Variants in GPSM2 observed in about 807,000 individuals in gnomAD.
The protein encoded by GPSM2 is G protein-signaling modulator 2.
In GPSM2, 58 loss-of-function variants were observed where a neutral mutation model predicts 78.4. The ratio of observed to expected loss-of-function variants is 0.74; its 90% CI spans 0.60 to 0.92. The LOEUF (loss-of-function observed/expected upper bound fraction) is 0.92, where lower values mean the gene tolerates loss of function less well. GPSM2 is among the 40% of genes least tolerant of loss of function. The probability of loss-of-function intolerance (pLI) is 0.00; values close to 1 mark genes in which losing one functional copy is unlikely to be tolerated. For missense variants in GPSM2, 700 were observed against 815.5 expected, an observed-to-expected ratio of 0.86 and a Z score of 1.73; for synonymous variants, 224 against 280.2, an observed-to-expected ratio of 0.80 and a Z score of 2.00.
At chr1:108,911,572 A>G (rs893810242) in intron 10 of GPSM2, among the ~76,000 whole-genome samples, 2 of 152,252 alleles carry the variant, frequency 1.3e-5, no homozygotes, top group Admixed American at 1.3e-4. Context: ...AAAGTAAATG[A>G]AGAAGGTCAC....
At chr1:108,925,107 T>G (rs1400612721) in intron 14 of GPSM2, among the ~76,000 whole-genome samples, 2 of 152,194 alleles carry the variant, frequency 1.3e-5, no homozygotes, top group Non-Finnish European at 2.9e-5. Context: ...GTAGAGGGTT[T>G]CAGGGAAAGA....
At chr1:108,889,289 C>T (rs985641410) in intron 2 of GPSM2, among the ~76,000 whole-genome samples, 5 of 152,142 alleles carry the variant, frequency 3.3e-5, no homozygotes, top group African/African-American at 7.2e-5. Context: ...GGAACGGGAC[C>T]TCACATTCTG....
intron 10 of GPSM2, among the ~76,000 whole-genome samples, chr1:108,908,333 T>C (rs1398343738): frequency 2.0e-5 from 3 of 149,076 alleles, no homozygotes; most frequent in Middle Eastern, 3.2e-3. Flanking sequence ...ATTGCTCCAC[T>C]GCACTCCAGC....
In GPSM2 at chr1:108,896,914, A is replaced by G. The variant is rs1648408726; in HGVS notation, c.107A>G (p.Lys36Arg). 5 of 1,614,186 alleles carry G rather than the reference A, an allele frequency of 3.1e-6. No individual in the cohort carries two copies. The highest frequency in any genetic ancestry group is 4.2e-6 in the Non-Finnish European group (5 of 1,180,012). The part of the protein sequence containing the change: ...ELALEGERLC[K>R]SGDCRAGVSF... ...GCCTTGGAAGGGGAACGTCTATGTA[A>G]ATCAGGAGACTGCCGCGCTGGCGTG... The change falls in exon 3 of 15, where the codon AAA (lysine) becomes AGA (arginine). Residue 36 changes from lysine to arginine, a missense_variant. Physicochemically the swap from Lys to Arg is conservative, Grantham distance 26. Coordinates refer to ENST00000264126, the MANE Select transcript of GPSM2 (RefSeq NM_013296.5).
intron 2 of GPSM2, among the ~76,000 whole-genome samples, chr1:108,890,140 T>C (rs933917598): frequency 1.2e-4 from 18 of 152,198 alleles, no homozygotes; most frequent in Admixed American, 1.2e-3. Context: ...CATTTTTCTT[T>C]CTTAGCACCA....
At chr1:108,917,457 C>T (rs1243279291) in intron 11 of GPSM2, among the ~76,000 whole-genome samples, 1 of 150,734 alleles carries the variant, frequency 6.6e-6, no homozygotes, top group Non-Finnish European at 1.5e-5. Context: ...GTCTCAGCTA[C>T]TCAGGAGGCT....
intron 11 of GPSM2, among the ~76,000 whole-genome samples, chr1:108,916,209 T>C (rs1462968351): frequency 6.6e-6 from 1 of 151,392 alleles, no homozygotes; most frequent in Non-Finnish European, 1.5e-5. Flanking sequence ...CAATAAGCCA[T>C]GATTGTGGCA....
At chr1:108,885,767 G>A (rs934911884) in intron 2 of GPSM2, among the ~76,000 whole-genome samples, 189 bp downstream of exon 2, 4 of 152,072 alleles carry the variant, frequency 2.6e-5, no homozygotes, top group African/African-American at 9.7e-5. Context: ...GACCAATTAT[G>A]TACTATGGTT....
At chr1:108,925,817 A>G (rs1398826741) in intron 14 of GPSM2, among the ~76,000 whole-genome samples, 1 of 151,796 alleles carries the variant, frequency 6.6e-6, no homozygotes, top group African/African-American at 2.4e-5. Flanking sequence ...TACAAGGCAA[A>G]TGTGGGGTTT....
intron 2 of GPSM2, among the ~76,000 whole-genome samples, chr1:108,889,980 G>A (rs1161819285): frequency 6.6e-6 from 1 of 152,104 alleles, no homozygotes; most frequent in Non-Finnish European, 1.5e-5. Context: ...CTTTGCTCAT[G>A]CTATGCCCTA....
At chr1:108,929,016 G>T in intron 14 of GPSM2, among the ~76,000 whole-genome samples, 1 of 142,562 alleles carries the variant, frequency 7.0e-6, no homozygotes, top group Admixed American at 7.4e-5. Context: ...AATTCATTCT[G>T]GGCTATTTCT....
Position 108,931,704 on chromosome 1 carries a change from G to C in GPSM2, c.*1764G>C. 6.0e-6 allele frequency: 3 copies of C among 495,872 alleles called. No homozygotes were observed. The highest frequency in any genetic ancestry group is 9.1e-6 in the Non-Finnish European group (3 of 330,600). The allele number at this position is 495,872 out of a possible 1,614,324, so 30.7% of individuals were successfully genotyped here. On this transcript the variant is annotated 3_prime_UTR_variant, in exon 15 of 15. Coordinates refer to ENST00000264126, the MANE Select transcript of GPSM2 (RefSeq NM_013296.5). ...TGTATACTATAAGGTATGATGTCCT[G>C]GATAGCATTTTAAAAACTCAGGTAA...
At chr1:108,905,253 AAAAC>A (rs776861679) in intron 10 of GPSM2, among the ~76,000 whole-genome samples, 36 of 152,354 alleles carry the variant, frequency 2.4e-4, no homozygotes, top group Non-Finnish European at 4.1e-4. Flanking sequence ...TTAAAAAGCA[AAAAC>A]AAACAGTCGC....
At chr1:108,887,083 T>C (rs1647612799) in intron 2 of GPSM2, among the ~76,000 whole-genome samples, 1 of 152,126 alleles carries the variant, frequency 6.6e-6, no homozygotes, top group African/African-American at 2.4e-5. Flanking sequence ...ATACAGGGTT[T>C]TGCCATATTG....
intron 14 of GPSM2, 183 bp downstream of exon 14, chr1:108,924,397 CACTT>C: frequency 1.5e-6 from 1 of 663,444 alleles, no homozygotes; most frequent in East Asian, 2.7e-5. Context: ...ATCGAGGACA[CACTT>C]GATTTTTAAA....
chr1:108,893,925 C>T (rs1021925760), intron 2 of GPSM2, among the ~76,000 whole-genome samples: 2 of 151,988 alleles, frequency 1.3e-5, no homozygotes, highest in Admixed American at 6.6e-5. Context: ...CACGGTGGTG[C>T]ATGCCTGTAA....
Position 108,922,534 on chromosome 1 carries a change from T to C in GPSM2, c.1558T>C (p.Ser520Pro). The change falls in exon 13 of 15, where the codon TCA (serine) becomes CCA (proline). Residue 520 changes from serine (S) to proline (P), a missense_variant. Coordinates refer to ENST00000264126, the MANE Select transcript of GPSM2 (RefSeq NM_013296.5). The stretch of plus-strand genomic sequence containing the variant: ...ACAAGAAAAGAACTGCCATACAGCT[T>C]CAACAACAACTTCTTCCACTCCCCC... ...CLQEKNCHTA[S>P]TTTSSTPPKM... 1 of 1,589,568 alleles carries C rather than the reference T, an allele frequency of 6.3e-7. No homozygotes were observed. The highest frequency in any genetic ancestry group is 2.2e-5 in the East Asian group (1 of 44,796).
In GPSM2 at chr1:108,924,105, T is replaced by A; in HGVS notation, c.1706T>A (p.Leu569Ter). The A allele has an allele frequency of 6.2e-7, 1 of 1,613,620 alleles. No homozygotes were observed. Among genetic ancestry groups the A allele is most frequent in the Non-Finnish European group, 8.5e-7 (1 of 1,179,502 alleles). Residue 569 changes from leucine (L) to a stop codon, truncating the protein, a stop_gained, in exon 14 of 15, where the codon TTG becomes TAG. Transcript: ENST00000264126. LOFTEE classifies it high-confidence loss of function. Reference protein sequence around the residue: ...LDDQRASFSNLPGLRLTQNSQ... With the variant: ...LDDQRASFSN ...GACCAGAGGGCTAGTTTCAGTAATT[T>A]GCCAGGGCTTCGTCTAACACAAAAC... is the stretch of plus-strand genomic sequence containing the variant.
At position 108,931,874 on chromosome 1, in the gene GPSM2, ATT is replaced by A. The variant is rs1055598050; in HGVS notation, c.*1937_*1938del. The stretch of plus-strand genomic sequence containing the variant: ...ACACAAAGTACAAACTTTGTGTATT[ATT>A]TTGTGTATACAATAGTTCTTACAGC... On this transcript the variant is annotated 3_prime_UTR_variant, in exon 15 of 15. Coordinates refer to ENST00000264126, the MANE Select transcript of GPSM2 (RefSeq NM_013296.5). The A allele has an allele frequency of 6.0e-6, 1 of 165,674 alleles. No homozygotes were observed. Among genetic ancestry groups the A allele is most frequent in the African/African-American group, 2.4e-5 (1 of 41,582 alleles). The allele number at this position is 165,674 out of a possible 1,614,324, so 10.3% of individuals were successfully genotyped here. A position where few individuals can be genotyped will look rare whatever the true frequency, so the allele number is the denominator to read the frequency against.
Sources: gnomAD v4.1 joint callset for allele counts (sites outside exome capture counted in the v4.1 genomes callset) on GRCh38, gnomAD v4.1.1 for gene constraint, MANE v1.5 for transcripts, NCBI Gene and HGNC (gene_info 2026-07-23, HGNC 2026-07-21) for gene names.